Variants in EFCAB11 observed in about 807,000 individuals in gnomAD.
EFCAB11 encodes EF-hand calcium binding domain 11.
EFCAB11 carries 14 observed loss-of-function variants against 23.0 expected under a neutral mutation model. The observed-to-expected ratio is 0.61, with a 90% CI of 0.40 to 0.95. EFCAB11 has a LOEUF of 0.95. Ranked by LOEUF, EFCAB11 falls within the 40% of genes least tolerant of loss-of-function variation. The pLI, the probability that EFCAB11 is intolerant of heterozygous loss-of-function variation, is 0.00. For missense variants in EFCAB11, 198 were observed against 195.8 expected, an observed-to-expected ratio of 1.01 and a Z score of -0.07; for synonymous variants, 65 against 66.6, an observed-to-expected ratio of 0.98 and a Z score of 0.11.
chr14:89,867,990 G>A (rs370795229), intron 5 of EFCAB11, among the ~76,000 whole-genome samples: 11 of 152,302 alleles, frequency 7.2e-5, no homozygotes, highest in African/African-American at 1.4e-4. Flanking sequence ...AGCGATTAAC[G>A]ATGCCTCATG....
At chr14:89,831,282 C>T (rs1437404789) in intron 5 of EFCAB11, 1 of 152,134 alleles carries the variant, frequency 6.6e-6, no homozygotes, top group African/African-American at 2.4e-5. Context: ...ATGGGAAAAG[C>T]AGGTTTTGGG....
intron 5 of EFCAB11, among the ~76,000 whole-genome samples, chr14:89,884,601 G>T (rs1171298474): frequency 6.6e-6 from 1 of 152,068 alleles, no homozygotes; most frequent in African/African-American, 2.4e-5. Flanking sequence ...AATTGGAAAA[G>T]AAGAAATAAA....
chr14:89,839,479 C>T (rs952558035), intron 5 of EFCAB11, among the ~76,000 whole-genome samples: 11 of 151,986 alleles, frequency 7.2e-5, no homozygotes, highest in African/African-American at 1.9e-4. Flanking sequence ...AGCCCAGATA[C>T]TTACAGGAGG....
At chr14:89,870,212 T>C (rs973242557) in intron 5 of EFCAB11, among the ~76,000 whole-genome samples, 17 of 152,168 alleles carry the variant, frequency 1.1e-4, no homozygotes, top group South Asian at 4.2e-4. Context: ...AATTAGACAT[T>C]AAGCTAAAAT....
At chr14:89,914,199 T>C (rs1359387976) in intron 5 of EFCAB11, among the ~76,000 whole-genome samples, 1 of 152,200 alleles carries the variant, frequency 6.6e-6, no homozygotes, top group Non-Finnish European at 1.5e-5. Context: ...ACAAAATCCT[T>C]GTGGAACTTT....
At chr14:89,834,399 A>C (rs910504134) in intron 5 of EFCAB11, among the ~76,000 whole-genome samples, 6 of 150,456 alleles carry the variant, frequency 4.0e-5, no homozygotes, top group Non-Finnish European at 4.4e-5. Flanking sequence ...AAAAAAAAAA[A>C]AAAACCTTTT....
chr14:89,810,052 C>T (rs185929501), intron 5 of EFCAB11, among the ~76,000 whole-genome samples: 43 of 152,312 alleles, frequency 2.8e-4, no homozygotes, highest in Admixed American at 8.5e-4. Context: ...CAGCTGCAGC[C>T]CATGAATGCT....
intron 5 of EFCAB11, among the ~76,000 whole-genome samples, chr14:89,891,775 A>C (rs1888973344): frequency 6.6e-6 from 1 of 152,162 alleles, no homozygotes; most frequent in Non-Finnish European, 1.5e-5. Context: ...TAAAAAGATA[A>C]TAGGATAGGG....
intron 5 of EFCAB11, among the ~76,000 whole-genome samples, chr14:89,858,754 C>A (rs1002101697): frequency 6.9e-6 from 1 of 144,692 alleles, no homozygotes; most frequent in African/African-American, 2.6e-5. Flanking sequence ...CCTGCTTTGG[C>A]CTCCCACTTG....
intron 5 of EFCAB11, among the ~76,000 whole-genome samples, chr14:89,815,364 T>C (rs773248356): frequency 2.6e-5 from 4 of 152,110 alleles, no homozygotes; most frequent in Non-Finnish European, 4.4e-5. Flanking sequence ...AAGAAAAAAG[T>C]CTTTCACAAA....
chr14:89,907,432 A>C (rs1247995375), intron 5 of EFCAB11, among the ~76,000 whole-genome samples: 4 of 152,236 alleles, frequency 2.6e-5, no homozygotes, highest in Non-Finnish European at 5.9e-5. Flanking sequence ...TTTTTATCAA[A>C]AGATTGTATG....
chr14:89,849,659 A>G (rs1211226314), intron 5 of EFCAB11, among the ~76,000 whole-genome samples: 2 of 121,510 alleles, frequency 1.6e-5, no homozygotes, highest in Non-Finnish European at 3.3e-5. Flanking sequence ...TTGGTATTCC[A>G]CCTGTTCATT....
At chr14:89,827,764 G>T (rs2140110065) in intron 5 of EFCAB11, among the ~76,000 whole-genome samples, 1 of 150,966 alleles carries the variant, frequency 6.6e-6, no homozygotes, top group East Asian at 2.0e-4. Context: ...CTCTGAAGTA[G>T]CTGGGATTAC....
chr14:89,899,821 G>A (rs1004192882), intron 5 of EFCAB11, among the ~76,000 whole-genome samples: 7 of 152,176 alleles, frequency 4.6e-5, no homozygotes, highest in African/African-American at 1.7e-4. Context: ...TCAGTAACAA[G>A]TGCTGGTGAG....
intron 3 of EFCAB11, among the ~76,000 whole-genome samples, chr14:89,934,753 T>A (rs1390965213): frequency 6.6e-6 from 1 of 152,188 alleles, no homozygotes; most frequent in Non-Finnish European, 1.5e-5. Context: ...GAGGTTAAAA[T>A]TGAAGTCTAG....
chr14:89,876,252 C>CGAGGAGGAGGGAGAAAAAGAG (rs1205262047), intron 5 of EFCAB11, among the ~76,000 whole-genome samples: 2 of 151,698 alleles, frequency 1.3e-5, no homozygotes, highest in African/African-American at 4.8e-5. Flanking sequence ...TGGTGGTGGT[C>CGAGGAGGAGGGAGAAAAAGAG]GAGGAGGAGG....
chr14:89,945,630 T>C (rs1241886834), intron 3 of EFCAB11, among the ~76,000 whole-genome samples: 1 of 152,228 alleles, frequency 6.6e-6, no homozygotes, highest in Non-Finnish European at 1.5e-5. Flanking sequence ...ATTGACATGT[T>C]TAATGGCCCA....
Position 89,932,640 on chromosome 14 carries a change from G to A in EFCAB11, c.218-13C>T. 6 of 1,594,800 alleles carry A rather than the reference G, an allele frequency of 3.8e-6. No individual in the cohort carries two copies. The highest frequency in any genetic ancestry group is 4.3e-6 in the Non-Finnish European group (5 of 1,164,140). On this transcript the variant is annotated splice_polypyrimidine_tract_variant and intron_variant, in intron 3 of 5. Transcript: ENST00000316738. ...TCGAGTAATATACCTAAAAGTTGGG[G>A]AAAAAACAATTTGTCAAAGATTATT...
At chr14:89,876,367 C>T (rs1275287088) in intron 5 of EFCAB11, among the ~76,000 whole-genome samples, 2 of 152,092 alleles carry the variant, frequency 1.3e-5, no homozygotes, top group Non-Finnish European at 2.9e-5. Context: ...CATGCTATCT[C>T]CAAGACAGGG....
Sources: gnomAD v4.1 joint callset for allele counts (sites outside exome capture counted in the v4.1 genomes callset) on GRCh38, gnomAD v4.1.1 for gene constraint, MANE v1.5 for transcripts, NCBI Gene and HGNC (gene_info 2026-07-23, HGNC 2026-07-21) for gene names.